MED13L: variants seen among roughly 807,000 people sequenced by gnomAD.
The protein encoded by MED13L is mediator complex subunit 13L, also known as mediator of RNA polymerase II transcription subunit 13-like.
In MED13L, 7 loss-of-function variants were observed where a neutral mutation model predicts 220.9. That is an observed-to-expected ratio of 0.03 (90% CI 0.02 to 0.06). The LOEUF is 0.06. MED13L is among the 10% of genes least tolerant of loss of function. The pLI, the probability that MED13L is intolerant of heterozygous loss-of-function variation, is 1.00. For missense variants in MED13L, 1,965 were observed against 2,760.5 expected, an observed-to-expected ratio of 0.71 and a Z score of 6.46; for synonymous variants, 1,011 against 1,015.2, an observed-to-expected ratio of 1.00 and a Z score of 0.08.
At chr12:116,241,461 A>C (rs983410077) in intron 1 of MED13L, among the ~76,000 whole-genome samples, 2 of 152,182 alleles carry the variant, frequency 1.3e-5, no homozygotes, top group Non-Finnish European at 2.9e-5. Context: ...GTCAGTCCCC[A>C]TGAAAATCTA....
At chr12:115,982,329 C>T in intron 22 of MED13L, 55 bp downstream of exon 22, 1 of 1,534,976 alleles carries the variant, frequency 6.5e-7, no homozygotes. Context: ...TATTTATTTT[C>T]ATAACAACAA....
intron 2 of MED13L, among the ~76,000 whole-genome samples, chr12:116,117,847 A>T (rs551436054): frequency 5.9e-5 from 9 of 152,196 alleles, no homozygotes; most frequent in African/African-American, 1.9e-4. Context: ...TCGCTCTTTC[A>T]CCCAGGCTAG....
intron 2 of MED13L, among the ~76,000 whole-genome samples, chr12:116,161,951 G>A (rs1401034087): frequency 2.0e-5 from 3 of 151,894 alleles, no homozygotes; most frequent in Non-Finnish European, 4.4e-5. Context: ...TAGGTGACGG[G>A]GGCAGGGGGG....
intron 16 of MED13L, among the ~76,000 whole-genome samples, chr12:115,993,318 AT>A (rs1175133046): frequency 6.6e-6 from 1 of 152,102 alleles, no homozygotes; most frequent in African/African-American, 2.4e-5. Flanking sequence ...TATTTTTAAA[AT>A]TTTTTAATAT....
chr12:116,011,608 T>G (rs925338009), intron 9 of MED13L, among the ~76,000 whole-genome samples: 1 of 152,182 alleles, frequency 6.6e-6, no homozygotes, highest in Non-Finnish European at 1.5e-5. Flanking sequence ...GGAAAATACT[T>G]TTTGTCACAC....
At chr12:115,967,170 CA>C (rs34377158) in intron 28 of MED13L, among the ~76,000 whole-genome samples, 728 of 45,154 alleles carry the variant, frequency 0.016, no homozygotes, top group African/African-American at 0.03. Flanking sequence ...GACTCTGTCT[CA>C]AAAAAAAAAA....
At chr12:116,089,842 T>A (rs147316285) in intron 4 of MED13L, among the ~76,000 whole-genome samples, 1 of 152,318 alleles carries the variant, frequency 6.6e-6, no homozygotes, top group East Asian at 1.9e-4. Context: ...GGAAACAACC[T>A]TCCAGGCATA....
intron 17 of MED13L, among the ~76,000 whole-genome samples, chr12:115,988,124 C>T (rs1464602332): frequency 6.6e-6 from 1 of 152,138 alleles, no homozygotes; most frequent in African/African-American, 2.4e-5. Context: ...TCCCTCTTAC[C>T]CTTCTAGCTG....
chr12:116,177,869 T>A (rs964979013), intron 2 of MED13L, among the ~76,000 whole-genome samples: 8 of 152,156 alleles, frequency 5.3e-5, no homozygotes, highest in Admixed American at 6.6e-5. Flanking sequence ...AATTTTTTTT[T>A]AAAAGACAGA....
chr12:116,155,156 G>A (rs901815608), intron 2 of MED13L, among the ~76,000 whole-genome samples: 2 of 152,190 alleles, frequency 1.3e-5, no homozygotes, highest in Non-Finnish European at 2.9e-5. Context: ...AGGCACAGGG[G>A]CTCATGCCTG....
At chr12:116,197,312 G>T (rs562995643) in intron 2 of MED13L, among the ~76,000 whole-genome samples, 90 of 152,248 alleles carry the variant, frequency 5.9e-4, no homozygotes, top group Non-Finnish European at 8.4e-4. Context: ...TTAGTTATCT[G>T]TACATGTCAG....
At chr12:116,058,702 G>A (rs1203082002) in intron 4 of MED13L, among the ~76,000 whole-genome samples, 2 of 152,078 alleles carry the variant, frequency 1.3e-5, no homozygotes, top group African/African-American at 2.4e-5. Flanking sequence ...CAGTCAATGG[G>A]GAAAGCTGAA....
chr12:116,043,457 G>A (rs1017498093), intron 4 of MED13L, among the ~76,000 whole-genome samples: 3 of 152,228 alleles, frequency 2.0e-5, no homozygotes, highest in Non-Finnish European at 4.4e-5. Context: ...GTCTTTGGGG[G>A]AAAGAGCACA....
At chr12:115,987,322 A>AGGG in intron 17 of MED13L, 34 bp from the exon 18 acceptor site, 1 of 1,595,044 alleles carries the variant, frequency 6.3e-7, no homozygotes, top group Non-Finnish European at 8.5e-7. Context: ...AGAGAAGATA[A>AGGG]GGGGGCTAGC....
At chr12:116,051,281 T>C in intron 4 of MED13L, among the ~76,000 whole-genome samples, 1 of 151,978 alleles carries the variant, frequency 6.6e-6, no homozygotes, top group South Asian at 2.1e-4. Context: ...CCAGCCTGGA[T>C]GACAGAGCGA....
At chr12:116,078,507 C>T (rs1341815631) in intron 4 of MED13L, among the ~76,000 whole-genome samples, 1 of 152,200 alleles carries the variant, frequency 6.6e-6, no homozygotes, top group African/African-American at 2.4e-5. Flanking sequence ...CAGCTTATGA[C>T]TTAACTTCTC....
intron 2 of MED13L, among the ~76,000 whole-genome samples, chr12:116,186,006 T>A (rs1416348920): frequency 6.6e-6 from 1 of 152,202 alleles, no homozygotes; most frequent in African/African-American, 2.4e-5. Flanking sequence ...CATATGCTTT[T>A]CTTTCTCTAT....
rs1879945662 is a variant in MED13L at position 116,019,801 on chromosome 12, G to A, written c.797C>T (p.Pro266Leu). The A allele has an allele frequency of 1.2e-6, 2 of 1,613,806 alleles. No homozygotes were observed. The highest frequency in any genetic ancestry group is 2.7e-5 in the African/African-American group (2 of 74,898). Residue 266 changes from proline (P) to leucine (L), a missense_variant, in exon 6 of 31, where the codon CCT becomes CTT. Pro to Leu is a moderately conservative substitution (Grantham distance 98). Coordinates refer to ENST00000281928, the MANE Select transcript of MED13L (RefSeq NM_015335.5). ...ACCAACAATTACTTCAACTGCCACA[G>A]GGAAATCATCATCATATCCCAACTC... ...EDELGYDDDF[P>L]VAVEVIVGGV...
chr12:116,106,863 A>T (rs566325118), intron 3 of MED13L, among the ~76,000 whole-genome samples: 1 of 152,252 alleles, frequency 6.6e-6, no homozygotes, highest in African/African-American at 2.4e-5. Context: ...AAAGGGAAAA[A>T]AAAAAAAAGA....
Sources: gnomAD v4.1 joint callset for allele counts (sites outside exome capture counted in the v4.1 genomes callset) on GRCh38, gnomAD v4.1.1 for gene constraint, MANE v1.5 for transcripts, NCBI Gene and HGNC (gene_info 2026-07-23, HGNC 2026-07-21) for gene names.